KIF7: variants seen among roughly 807,000 people sequenced by gnomAD.
The protein encoded by KIF7 is kinesin-like protein KIF7.
KIF7 carries 104 observed loss-of-function variants against 135.7 expected under a neutral mutation model. The ratio of observed to expected loss-of-function variants is 0.77; its 90% CI spans 0.65 to 0.90. KIF7 has a LOEUF of 0.90. Ranked by LOEUF, KIF7 falls within the 40% of genes least tolerant of loss-of-function variation. The pLI, the probability that KIF7 is intolerant of heterozygous loss-of-function variation, is 0.00. For synonymous variants in KIF7, 883 were observed against 809.4 expected, an observed-to-expected ratio of 1.09 and a Z score of -1.54; for missense variants, 2,005 against 1,839.1, an observed-to-expected ratio of 1.09 and a Z score of -1.65.
intron 11 of KIF7, among the ~76,000 whole-genome samples, chr15:89,635,777 C>G (rs890923562): frequency 2.6e-5 from 4 of 152,186 alleles, no homozygotes; most frequent in African/African-American, 9.7e-5. Flanking sequence ...AGGAGAACTT[C>G]CCCAATCTAG....
At chr15:89,620,214 T>G (rs1400557743) in intron 1 of KIF7, among the ~76,000 whole-genome samples, 1 of 152,200 alleles carries the variant, frequency 6.6e-6, no homozygotes, top group Non-Finnish European at 1.5e-5. Context: ...TGTTTCTTAT[T>G]TTATCTTTTT....
chr15:89,632,113 T>C (rs898033799), intron 14 of KIF7, among the ~76,000 whole-genome samples: 3 of 152,158 alleles, frequency 2.0e-5, no homozygotes, highest in Non-Finnish European at 4.4e-5. Flanking sequence ...GGAGGGAAGT[T>C]ACGGATCATT....
chr15:89,645,215 G>C (rs770043902), intron 9 of KIF7, 50 bp from the exon 10 acceptor site: 1 of 1,603,278 alleles, frequency 6.2e-7, no homozygotes. Flanking sequence ...CAGTGGGGGA[G>C]ACAGAGGAGT....
At chr15:89,625,908 C>T, downstream of KIF7, 7 of 1,546,844 alleles carry the variant, frequency 4.5e-6, no homozygotes, top group South Asian at 7.7e-5. Context: ...TCTGGGGACG[C>T]TGCTCTTACT....
In KIF7 at chr15:89,652,751, C is replaced by A; in HGVS notation, c.180G>T (p.Val60=). The A allele has an allele frequency of 1.9e-6, 3 of 1,551,714 alleles. No individual in the cohort carries two copies. The highest frequency in any genetic ancestry group is 2.6e-6 in the Non-Finnish European group (3 of 1,146,990). The change falls in exon 2 of 19, where the codon GTG becomes GTT. Residue 60 remains valine, a synonymous_variant. Transcript: ENST00000394412. The stretch of plus-strand genomic sequence containing the variant: ...CCTCCTGCCCCGCATCCTCGGCCAG[C>A]ACCACGTGGAAGCCAAAGTGTCGGT... ...GRDRHFGFHV[V]LAEDAGQEAV... is the part of the protein sequence containing the mutation.
intron 2 of KIF7, chr15:89,650,185 G>T: frequency 1.8e-6 from 1 of 550,454 alleles, no homozygotes; most frequent in Non-Finnish European, 3.3e-6. Context: ...CTTTCATGCT[G>T]TAAGCATCCC....
chr15:89,647,660 A>G lies in KIF7; in HGVS notation c.1496T>C (p.Leu499Pro), dbSNP rs1964039618. 6.2e-7 allele frequency: 1 copy of G among 1,610,342 alleles called. No individual in the cohort carries two copies. The highest frequency in any genetic ancestry group is 1.3e-5 in the African/African-American group (1 of 74,892). Residue 499 changes from leucine (L) to proline (P), a missense_variant, in exon 6 of 19, where the codon CTG becomes CCG. Physicochemically the swap from Leu to Pro is moderately conservative, Grantham distance 98 (BLOSUM62 -3). Coordinates refer to ENST00000394412, the MANE Select transcript of KIF7 (RefSeq NM_198525.3). Reference sequence around the variant, plus strand: ...CAGAAAGTCTCGGTTCTCCTCCTCCAGCCGCGCCACCTGGTTCTGCAGGGT... The same window carrying G: ...CAGAAAGTCTCGGTTCTCCTCCTCCGGCCGCGCCACCTGGTTCTGCAGGGT... ...LLTLQNQVARLEEENRDFLAA... is the reference protein window; with the variant it reads ...LLTLQNQVARPEEENRDFLAA...
At position 89,628,386 on chromosome 15, in the gene KIF7, G is replaced by T. The variant is rs1178706280; in HGVS notation, c.*33C>A. 7 of 1,576,678 alleles carry T rather than the reference G, an allele frequency of 4.4e-6. No individual in the cohort carries two copies. In the Admixed American group the frequency reaches 7.3e-5, roughly 17 times the overall value. On this transcript the variant is annotated 3_prime_UTR_variant, in exon 19 of 19. Coordinates refer to ENST00000394412, the MANE Select transcript of KIF7 (RefSeq NM_198525.3). Reference sequence around the variant, plus strand: ...AGCTGCCCCTTTCAGCAGGCTCGGAGTCTCCCTCCAAGGCAGGGTCTGCCC... The same window carrying T: ...AGCTGCCCCTTTCAGCAGGCTCGGATTCTCCCTCCAAGGCAGGGTCTGCCC...
downstream of KIF7, chr15:89,625,092 C>G (rs1287530653): frequency 1.9e-6 from 3 of 1,613,690 alleles, no homozygotes; most frequent in African/African-American, 1.3e-5. Flanking sequence ...AGGAGGAGAG[C>G]TCTCTGGGAG....
chr15:89,631,055 G>C (rs1963663370), intron 15 of KIF7: 2 of 230,672 alleles, frequency 8.7e-6, no homozygotes, highest in Non-Finnish European at 8.6e-6. Context: ...AATTTTCTGG[G>C]AGCACCATTG....
At position 89,633,215 on chromosome 15, in the gene KIF7, C is replaced by G; in HGVS notation, c.2644G>C (p.Glu882Gln). Reference sequence around the variant, plus strand: ...TTCCTCTGGAATGCCGCGATCTCTTCCGTCTTAATCTTCAGGATCTTCTGC... The same window carrying G: ...TTCCTCTGGAATGCCGCGATCTCTTGCGTCTTAATCTTCAGGATCTTCTGC... ...QQQKILKIKT[E>Q]EIAAFQRKRR... Residue 882 changes from glutamate to glutamine, a missense_variant, in exon 13 of 19, where the codon GAA (glutamate) becomes CAA (glutamine). By Grantham distance (29) the Glu-to-Gln change is conservative. Coordinates refer to ENST00000394412, the MANE Select transcript of KIF7 (RefSeq NM_198525.3). 1 of 1,596,294 alleles carries G rather than the reference C, an allele frequency of 6.3e-7. No homozygotes were observed. The highest frequency in any genetic ancestry group is 8.5e-7 in the Non-Finnish European group (1 of 1,174,026).
downstream of KIF7, chr15:89,627,078 G>GACTT (rs1459529232): frequency 6.2e-7 from 1 of 1,613,996 alleles, no homozygotes; most frequent in Non-Finnish European, 8.5e-7. Context: ...CTGGCTGGAG[G>GACTT]ACTTATAGCC....
downstream of KIF7, chr15:89,625,533 G>C: frequency 6.2e-7 from 1 of 1,613,626 alleles, no homozygotes; most frequent in Non-Finnish European, 8.5e-7. Flanking sequence ...TTGAGCTCGA[G>C]GGAGTGTGCC....
In KIF7 at chr15:89,636,394, A is replaced by C. The variant is rs542429533; in HGVS notation, c.2395-2511T>G. ...AAGACACAGACTGGCAAATTGGATA[A>C]AGAGTCAAGACCCATCAGTGTGCTG... On this transcript the variant is annotated intron_variant, in intron 11 of 18. Transcript: ENST00000394412. Among the ~76,000 whole-genome samples the C allele has an allele frequency of 2.3e-5, 3 of 131,734 alleles. No individual in the cohort carries two copies. In the East Asian group the frequency reaches 6.2e-4, roughly 27 times the overall value. The allele number at this position is 131,734 out of a possible 152,430, so 86.4% of individuals were successfully genotyped here. A position where few individuals can be genotyped will look rare whatever the true frequency, so the allele number is the denominator to read the frequency against.
chr15:89,641,732 C>T (rs192520513), intron 11 of KIF7, among the ~76,000 whole-genome samples: 14 of 152,224 alleles, frequency 9.2e-5, no homozygotes, highest in Admixed American at 3.9e-4. Context: ...ACCCAGGAGG[C>T]GGAGGTTGCA....
rs1395563763 is a variant in KIF7 at position 89,649,952 on chromosome 15, A to G, written c.329-11T>C. ...CCTCAAGGAGGGAGGCTGGGGAGAC[A>G]CCGCAGGGCCTCCTGCCACTTCAGC... is the stretch of plus-strand genomic sequence containing the variant. On this transcript the variant is annotated splice_polypyrimidine_tract_variant and intron_variant, in intron 2 of 18. Transcript: ENST00000394412. The G allele has an allele frequency of 6.5e-7, 1 of 1,548,960 alleles. No homozygotes were observed. The highest frequency in any genetic ancestry group is 1.4e-5 in the African/African-American group (1 of 73,070).
chr15:89,655,372 C>G (rs1455765462), intron 1 of KIF7, 27 bp downstream of exon 1: 3 of 152,266 alleles, frequency 2.0e-5, no homozygotes, highest in Non-Finnish European at 2.9e-5. Flanking sequence ...GTCCTCGCCC[C>G]TAACCCGCTC....
intron 11 of KIF7, among the ~76,000 whole-genome samples, chr15:89,635,677 T>C (rs1167361569): frequency 2.6e-5 from 4 of 152,036 alleles, no homozygotes; most frequent in African/African-American, 9.7e-5. Flanking sequence ...TGGGACTATG[T>C]GAAAAGACCA....
At chr15:89,640,288 A>G (rs570343716) in intron 11 of KIF7, among the ~76,000 whole-genome samples, 43 of 121,108 alleles carry the variant, frequency 3.6e-4, no homozygotes, top group African/African-American at 8.4e-4. Flanking sequence ...AACTTAAAGT[A>G]TAATAATAAT....
Sources: gnomAD v4.1 joint callset for allele counts (sites outside exome capture counted in the v4.1 genomes callset) on GRCh38, gnomAD v4.1.1 for gene constraint, MANE v1.5 for transcripts, NCBI Gene and HGNC (gene_info 2026-07-23, HGNC 2026-07-21) for gene names.